ANKRD28: variants seen among roughly 807,000 people sequenced by gnomAD.
The protein encoded by ANKRD28 is ankyrin repeat domain 28, also known as serine/threonine-protein phosphatase 6 regulatory ankyrin repeat subunit A.
ANKRD28 carries 44 observed loss-of-function variants against 126.5 expected under a neutral mutation model. The observed-to-expected ratio is 0.35, with a 90% CI of 0.27 to 0.45. The LOEUF is 0.45. Ranked by LOEUF, ANKRD28 falls within the 20% of genes least tolerant of loss-of-function variation. The probability of loss-of-function intolerance (pLI) is 1.00; values close to 1 mark genes in which losing one functional copy is unlikely to be tolerated. For synonymous variants in ANKRD28, 442 were observed against 468.5 expected (o/e 0.94, Z 0.73); for missense variants, 1,110 against 1,316.6 (o/e 0.84, Z 2.43).
At chr3:15,713,969 C>CTTA (rs1286304406) in intron 9 of ANKRD28, among the ~76,000 whole-genome samples, 9 of 152,170 alleles carry the variant, frequency 5.9e-5, no homozygotes, top group South Asian at 2.1e-4. Flanking sequence ...AATGTGCATA[C>CTTA]TCTGTCATCA....
At chr3:15,692,957 C>T (rs1489982254) in intron 17 of ANKRD28, among the ~76,000 whole-genome samples, 1 of 152,092 alleles carries the variant, frequency 6.6e-6, no homozygotes, top group African/African-American at 2.4e-5. Flanking sequence ...CCACATGCTA[C>T]AACATGGATG....
Position 15,741,130 on chromosome 3 carries a change from C to T in ANKRD28, c.352-3897G>A, listed in dbSNP as rs556683667. ...AGGAGAATGGCATGAACCTGGGAGGCGGAGCTTGCAGTGAGCCGAGATCGC... is the reference window on the plus strand; with the variant it reads ...AGGAGAATGGCATGAACCTGGGAGGTGGAGCTTGCAGTGAGCCGAGATCGC... On this transcript the variant is annotated intron_variant, in intron 4 of 27. Coordinates refer to ENST00000683139, the MANE Select transcript of ANKRD28 (RefSeq NM_001349278.2). Among the ~76,000 whole-genome samples the T allele has an allele frequency of 9.2e-5, 14 of 151,828 alleles. No individual in the cohort carries two copies. In the South Asian group the frequency reaches 2.3e-3, roughly 25 times the overall value.
Position 15,737,146 on chromosome 3 carries a change from T to C in ANKRD28, c.439A>G (p.Asn147Asp). 6.2e-7 allele frequency: 1 copy of C among 1,614,022 alleles called. No homozygotes were observed. Among genetic ancestry groups the C allele is most frequent in the Non-Finnish European group, 8.5e-7 (1 of 1,179,894 alleles). Residue 147 changes from asparagine (N) to aspartate (D), a missense_variant, in exon 5 of 28, where the codon AAT (asparagine) becomes GAT (aspartate). Coordinates refer to ENST00000683139, the MANE Select transcript of ANKRD28 (RefSeq NM_001349278.2). ...GCTTCAGCACACTTTACAGCTTTAT[T>C]AGCAGCAGCTATATGTAAAGGGGTT... is the stretch of plus-strand genomic sequence containing the variant. ...WQTPLHIAAA[N>D]KAVKCAEALV... is the part of the protein sequence containing the mutation.
At chr3:15,811,600 GCA>G (rs1482151378) in intron 1 of ANKRD28, among the ~76,000 whole-genome samples, 2 of 151,924 alleles carry the variant, frequency 1.3e-5, no homozygotes, top group African/African-American at 4.8e-5. Context: ...GACTGCAGGT[GCA>G]CGCCACCATG....
At chr3:15,694,581 A>T (rs2125873730) in intron 17 of ANKRD28, among the ~76,000 whole-genome samples, 158 bp downstream of exon 17, 1 of 152,000 alleles carries the variant, frequency 6.6e-6, no homozygotes, top group African/African-American at 2.4e-5. Flanking sequence ...CACATTAAGT[A>T]ATTCTCTGAA....
chr3:15,767,109 TA>T (rs1182390636), intron 2 of ANKRD28, among the ~76,000 whole-genome samples: 3 of 152,300 alleles, frequency 2.0e-5, no homozygotes, highest in African/African-American at 7.2e-5. Context: ...TGTTTCAATA[TA>T]AAAAATACAT....
At chr3:15,807,569 A>G (rs1305000327) in intron 1 of ANKRD28, among the ~76,000 whole-genome samples, 1 of 152,200 alleles carries the variant, frequency 6.6e-6, no homozygotes, top group Non-Finnish European at 1.5e-5. Context: ...GTTTCCTATT[A>G]ATCTCATCTT....
intron 6 of ANKRD28, among the ~76,000 whole-genome samples, chr3:15,727,909 C>T (rs929486711): frequency 1.3e-5 from 2 of 152,124 alleles, no homozygotes; most frequent in African/African-American, 4.8e-5. Context: ...GAAATGACAA[C>T]AAAGCTTTTA....
At position 15,814,884 on chromosome 3, in the gene ANKRD28, AT is replaced by A. The variant is rs2060800979; in HGVS notation, c.28-19579del. Among the ~76,000 whole-genome samples, 1 of 150,046 alleles carries A rather than the reference AT, an allele frequency of 6.7e-6. No homozygotes were observed. Among genetic ancestry groups the A allele is most frequent in the Non-Finnish European group, 1.5e-5 (1 of 67,542 alleles). On this transcript the variant is annotated intron_variant, in intron 1 of 27. Transcript: ENST00000399451. This position sits in a 1 kb window ranked among gnomAD's most constrained non-coding sequence, Gnocchi z 4.7. ...TGGTAATTTTATACATATATTATAT[AT>A]AAAAAGTATATATATATACTTTTTT...
chr3:15,827,453 T>C (rs1295459503), intron 1 of ANKRD28, among the ~76,000 whole-genome samples: 1 of 152,218 alleles, frequency 6.6e-6, no homozygotes, highest in African/African-American at 2.4e-5. Context: ...GTCCTGTCAC[T>C]GCATTAATTT....
chr3:15,670,308 C>T lies in ANKRD28; in HGVS notation c.3214G>A (p.Val1072Met), dbSNP rs774271244. ...GAATCGGAGTCGTTGAGCTCATCCACGTCAGTGTATAAGTACTCCTGTTCC... is the reference window on the plus strand; with the variant it reads ...GAATCGGAGTCGTTGAGCTCATCCATGTCAGTGTATAAGTACTCCTGTTCC... ...GGEQEYLYTD[V>M]DELNDSDSET... Residue 1072 changes from valine to methionine, a missense_variant, in exon 28 of 28, where the codon GTG (valine) becomes ATG (methionine). Physicochemically the swap from Val to Met is conservative, Grantham distance 21 (BLOSUM62 1). Coordinates refer to ENST00000683139, the MANE Select transcript of ANKRD28 (RefSeq NM_001349278.2). 3.7e-5 allele frequency: 59 copies of T among 1,613,788 alleles called. No individual in the cohort carries two copies. The highest frequency in any genetic ancestry group is 8.8e-5 in the South Asian group (8 of 91,084).
intron 1 of ANKRD28, among the ~76,000 whole-genome samples, chr3:15,856,999 C>G (rs1172211973): frequency 1.3e-5 from 2 of 152,206 alleles, no homozygotes; most frequent in Non-Finnish European, 2.9e-5. Flanking sequence ...TGTCCTTACC[C>G]GTATCTTCTT....
intron 1 of ANKRD28, among the ~76,000 whole-genome samples, chr3:15,807,476 T>C (rs2060609382): frequency 6.6e-6 from 1 of 152,146 alleles, no homozygotes; most frequent in Non-Finnish European, 1.5e-5. Flanking sequence ...ATGTCAAACA[T>C]AAGAAAACAG....
At chr3:15,770,596 A>G (rs2058951425) in intron 2 of ANKRD28, among the ~76,000 whole-genome samples, 1 of 152,154 alleles carries the variant, frequency 6.6e-6, no homozygotes, top group Non-Finnish European at 1.5e-5. Flanking sequence ...AAACACTTGA[A>G]ACACTTTTGT....
chr3:15,700,052 A>G (rs2070325832), intron 14 of ANKRD28, among the ~76,000 whole-genome samples: 2 of 152,194 alleles, frequency 1.3e-5, no homozygotes, highest in South Asian at 2.1e-4. Flanking sequence ...ATACTATGCC[A>G]CCATAAAAAA....
upstream of ANKRD28, among the ~76,000 whole-genome samples, chr3:15,802,968 TA>T (rs957338787): frequency 3.3e-5 from 5 of 151,144 alleles, no homozygotes; most frequent in African/African-American, 7.3e-5. Context: ...AATTCTCGAA[TA>T]AAAAAAAATG....
rs766254388 is a variant in ANKRD28 at position 15,712,135 on chromosome 3, C to T, written c.1273+5G>A. 1 of 1,567,402 alleles carries T rather than the reference C, an allele frequency of 6.4e-7. No individual in the cohort carries two copies. Among genetic ancestry groups the T allele is most frequent in the Non-Finnish European group, 8.7e-7 (1 of 1,155,186 alleles). ...CATACAAAAGGCTGCAAAGGTTACACTTACCTGAAGAAAGAAGTTTTCTGC... is the reference window on the plus strand; with the variant it reads ...CATACAAAAGGCTGCAAAGGTTACATTTACCTGAAGAAAGAAGTTTTCTGC... On this transcript the variant is annotated splice_donor_5th_base_variant and intron_variant, in intron 11 of 27. Transcript: ENST00000683139.
At chr3:15,771,486 G>A (rs2059004570) in intron 2 of ANKRD28, among the ~76,000 whole-genome samples, 1 of 151,790 alleles carries the variant, frequency 6.6e-6, no homozygotes, top group South Asian at 2.1e-4. Flanking sequence ...GGTGGTAGAA[G>A]GCAAAAGGAG....
chr3:15,837,532 C>T (rs1399217508), intron 1 of ANKRD28, among the ~76,000 whole-genome samples: 1 of 152,006 alleles, frequency 6.6e-6, no homozygotes, highest in Non-Finnish European at 1.5e-5. Context: ...AAACAAGACA[C>T]CTGTAAATAA....
Sources: gnomAD v4.1 joint callset for allele counts (sites outside exome capture counted in the v4.1 genomes callset) on GRCh38, gnomAD v4.1.1 for gene constraint, Gnocchi (gnomAD v3.1) non-coding constraint, MANE v1.5 for transcripts, NCBI Gene and HGNC (gene_info 2026-07-23, HGNC 2026-07-21) for gene names.